The following GSN variants were observed in gnomAD, a reference collection of about 807,000 sequenced individuals.
GSN encodes the protein gelsolin, also known as actin-depolymerizing factor.
Under a neutral mutation model 85.7 loss-of-function variants are expected in GSN, and 56 were observed. That is an observed-to-expected ratio of 0.65 (90% confidence interval 0.53 to 0.82). The LOEUF is 0.82. GSN is among the 40% of genes least tolerant of loss of function. The pLI is 0.00. For synonymous variants in GSN, 373 were observed against 399.1 expected, an observed-to-expected ratio of 0.93 and a Z score of 0.78; for missense variants, 857 against 979.8, an observed-to-expected ratio of 0.87 and a Z score of 1.67.
intron 6 of GSN, among the ~76,000 whole-genome samples, chr9:121,252,485 T>G (rs571903797): frequency 3.7e-4 from 57 of 152,350 alleles, no homozygotes; most frequent in African/African-American, 1.3e-3. Context: ...CAAGTATCTA[T>G]CTACCTACTT....
At chr9:121,205,686 G>A (rs1208086815), upstream of GSN, among the ~76,000 whole-genome samples, 1 of 152,160 alleles carries the variant, frequency 6.6e-6, no homozygotes, top group Non-Finnish European at 1.5e-5. Flanking sequence ...TAGCAAATGT[G>A]TGAGGGGTCA....
chr9:121,294,840 A>C (rs1012723949), intron 2 of GSN, among the ~76,000 whole-genome samples: 1 of 152,184 alleles, frequency 6.6e-6, no homozygotes, highest in African/African-American at 2.4e-5. Context: ...TCATCTACAA[A>C]AGAGAAGACA....
chr9:121,299,521 T>C lies in GSN; in HGVS notation c.-9-2442T>C, dbSNP rs2133122560. On this transcript the variant is annotated intron_variant, in intron 2 of 17. Coordinates refer to ENST00000432226, the MANE Select transcript of GSN (RefSeq NM_198252.3). The surrounding 1 kb of genome is among the most constrained non-coding windows in gnomAD (Gnocchi z 4.2). ...TCATGTTATTTTTTTGCTGGAGGTG[T>C]TAGGTGCGGAGAGGCGAGGGGGCTC... The C allele has an allele frequency of 2.1e-6, 2 of 969,178 alleles. No individual in the cohort carries two copies. The highest frequency in any genetic ancestry group is 5.3e-4 in the Middle Eastern group (1 of 1,882). The allele number at this position is 969,178 out of a possible 1,614,324, so 60.0% of individuals were successfully genotyped here.
chr9:121,263,357 G>A (rs564142495), upstream of GSN, among the ~76,000 whole-genome samples: 2 of 152,286 alleles, frequency 1.3e-5, no homozygotes, highest in South Asian at 2.1e-4. Flanking sequence ...AAATAATTAT[G>A]AAGTACTAAG....
chr9:121,269,792 G>A (rs913139153), intron 1 of GSN, among the ~76,000 whole-genome samples: 50 of 152,184 alleles, frequency 3.3e-4, no homozygotes, highest in African/African-American at 1.2e-3. Context: ...TTTTATTAGG[G>A]ACTAACATGA....
chr9:121,239,181 A>G (rs2054553830), intron 5 of GSN: 2 of 321,792 alleles, frequency 6.2e-6, no homozygotes, highest in Admixed American at 4.1e-5. Flanking sequence ...CTCATCAACC[A>G]GGAATCTCTT....
chr9:121,241,978 C>G (rs1026367191), intron 5 of GSN, among the ~76,000 whole-genome samples: 2 of 152,192 alleles, frequency 1.3e-5, no homozygotes, highest in Non-Finnish European at 2.9e-5. Flanking sequence ...CTCTACAGAT[C>G]TTGGTTCAAA....
chr9:121,313,812 C>A, intron 6 of GSN, 122 bp from the exon 7 acceptor site: 1 of 799,284 alleles, frequency 1.3e-6, no homozygotes. Flanking sequence ...TGGAGGAGGT[C>A]AGACTCCATG....
chr9:121,312,650 G>C (rs2061302531), intron 6 of GSN, 162 bp downstream of exon 6: 2 of 631,300 alleles, frequency 3.2e-6, no homozygotes, highest in African/African-American at 2.0e-5. Flanking sequence ...TTTTGAGACA[G>C]GATCTTATTC....
chr9:121,314,443 ATTTC>A, intron 7 of GSN, among the ~76,000 whole-genome samples: 1 of 152,214 alleles, frequency 6.6e-6, no homozygotes, highest in Admixed American at 6.5e-5. Flanking sequence ...TTTATTTATG[ATTTC>A]TTTCTTGTGA....
At chr9:121,292,633 AGAAG>A (rs2058801885) in intron 2 of GSN, among the ~76,000 whole-genome samples, 2 of 152,176 alleles carry the variant, frequency 1.3e-5, no homozygotes, top group African/African-American at 4.8e-5. Context: ...GAAGTGCCGC[AGAAG>A]GTGCCACTGG....
chr9:121,312,082 T>C (rs1346616501), intron 5 of GSN: 1 of 435,018 alleles, frequency 2.3e-6, no homozygotes, highest in Non-Finnish European at 4.1e-6. Context: ...CAGGCAAACA[T>C]TTTTGCACAC....
In GSN at chr9:121,329,178, A is replaced by G; in HGVS notation, c.1888-60A>G. ...TGTGCCACTCCCTCAGGGGGCAGAT[A>G]AAGGAAGGCCACCCAGGGGAGGGAA... On this transcript the variant is annotated intron_variant, in intron 15 of 17. Transcript: ENST00000432226. This position sits in a 1 kb window ranked among gnomAD's most constrained non-coding sequence, Gnocchi z 4.6. The G allele has an allele frequency of 6.7e-7, 1 of 1,484,430 alleles. No individual in the cohort carries two copies. 92.0% of individuals were successfully genotyped at this position (1,484,430 alleles called of 1,614,324 possible).
intron 5 of GSN, among the ~76,000 whole-genome samples, chr9:121,246,339 G>A (rs1179511337): frequency 6.6e-6 from 1 of 152,166 alleles, no homozygotes; most frequent in African/African-American, 2.4e-5. Flanking sequence ...GTCACTTTGT[G>A]AGAATGAAAG....
rs753228620 is a variant in GSN, at chr9:121,318,893, C to T, written c.1191+13C>T. The T allele has an allele frequency of 6.2e-6, 10 of 1,602,572 alleles. No individual in the cohort carries two copies. The highest frequency in any genetic ancestry group is 7.7e-6 in the Non-Finnish European group (9 of 1,169,828). ...AGGCCAGAAACAGGTACGTTTAGGG[C>T]GTGGGGTGGGTGTGTCCAGGCCCCT... On this transcript the variant is annotated intron_variant, in intron 10 of 17. Transcript: ENST00000432226. The surrounding 1 kb of genome is among the most constrained non-coding windows in gnomAD (Gnocchi z 4.3).
intron 2 of GSN, among the ~76,000 whole-genome samples, chr9:121,300,837 C>T (rs976335029): frequency 6.6e-6 from 1 of 152,086 alleles, no homozygotes; most frequent in Non-Finnish European, 1.5e-5. Context: ...GCCATTTGGA[C>T]CCTTCTTGGG....
chr9:121,241,795 A>G (rs2054610582), intron 5 of GSN, among the ~76,000 whole-genome samples: 1 of 152,220 alleles, frequency 6.6e-6, no homozygotes, highest in Admixed American at 6.5e-5. Flanking sequence ...AAGGAGAGAA[A>G]AAAGCTAATG....
At chr9:121,225,421 C>T (rs2054254998) in intron 4 of GSN, among the ~76,000 whole-genome samples, 1 of 152,200 alleles carries the variant, frequency 6.6e-6, no homozygotes, top group African/African-American at 2.4e-5. Flanking sequence ...AAGATAATGC[C>T]TGTGAGCCCG....
chr9:121,302,825 G>T (rs2060023897), intron 3 of GSN, 86 bp from the exon 4 acceptor site: 18 of 1,351,028 alleles, frequency 1.3e-5, no homozygotes, highest in Non-Finnish European at 1.9e-5. Context: ...TCAGGGCAGT[G>T]CTGGGGTTCC....
Sources: gnomAD v4.1 joint callset for allele counts (sites outside exome capture counted in the v4.1 genomes callset) on GRCh38, gnomAD v4.1.1 for gene constraint, Gnocchi (gnomAD v3.1) non-coding constraint, MANE v1.5 for transcripts, NCBI Gene and HGNC (gene_info 2026-07-23, HGNC 2026-07-21) for gene names.